TOX3: variants seen among roughly 807,000 people sequenced by gnomAD.
TOX3 encodes the protein CAG trinucleotide repeat-containing gene F9 protein.
TOX3 carries 22 observed loss-of-function variants against 64.3 expected under a neutral mutation model. That is an observed-to-expected ratio of 0.34 (90% confidence interval 0.24 to 0.49). The LOEUF (loss-of-function observed/expected upper bound fraction) is 0.49, where lower values mean the gene tolerates loss of function less well. TOX3 is among the 20% of genes least tolerant of loss of function. The pLI is 0.99. For synonymous variants in TOX3, 291 were observed against 273.6 expected, an observed-to-expected ratio of 1.06 and a Z score of -0.63; for missense variants, 661 against 714.4, an observed-to-expected ratio of 0.93 and a Z score of 0.85.
chr16:52,533,862 T>C (rs1336624562), intron 1 of TOX3, among the ~76,000 whole-genome samples: 1 of 152,196 alleles, frequency 6.6e-6, no homozygotes, highest in African/African-American at 2.4e-5. Flanking sequence ...GGGAGCTGTT[T>C]GCAGAACAAA....
At chr16:52,507,526 G>A (rs1303966940) in intron 1 of TOX3, among the ~76,000 whole-genome samples, 1 of 152,208 alleles carries the variant, frequency 6.6e-6, no homozygotes. Context: ...CTGTGATTAC[G>A]TATAGGAAGG....
intron 1 of TOX3, among the ~76,000 whole-genome samples, chr16:52,528,150 C>T (rs181707195): frequency 1.3e-5 from 2 of 152,266 alleles, no homozygotes; most frequent in Admixed American, 6.5e-5. Context: ...AGTCTATGTT[C>T]AGCAACTTAA....
intron 1 of TOX3, among the ~76,000 whole-genome samples, chr16:52,525,684 C>G (rs1228713977): frequency 6.6e-6 from 1 of 152,106 alleles, no homozygotes; most frequent in Non-Finnish European, 1.5e-5. Flanking sequence ...CAAGTGCGTG[C>G]ATGCCTGCGT....
At chr16:52,500,688 C>T (rs939284211) in intron 1 of TOX3, among the ~76,000 whole-genome samples, 4 of 152,190 alleles carry the variant, frequency 2.6e-5, no homozygotes, top group Non-Finnish European at 2.9e-5. Context: ...ATATTCTAGG[C>T]ATTATGCTAA....
At chr16:52,530,874 A>G (rs189566132) in intron 1 of TOX3, among the ~76,000 whole-genome samples, 14 of 152,224 alleles carry the variant, frequency 9.2e-5, no homozygotes, top group Admixed American at 2.0e-4. Context: ...TCACCCTAAT[A>G]ATCATGCAGC....
Position 52,446,140 on chromosome 16 carries a change from C to T in TOX3, c.760G>A (p.Glu254Lys). Residue 254 changes from glutamate to lysine, a missense_variant, in exon 5 of 7, where the codon GAG becomes AAG. Transcript: ENST00000219746. Reference sequence around the variant, plus strand: ...TATGCTGACACTGGCTTCTGTGGCTCATTGGGATCTTTCTTTTTCTTTTTC... The same window carrying T: ...TATGCTGACACTGGCTTCTGTGGCTTATTGGGATCTTTCTTTTTCTTTTTC... ...PKKKKKKDPN[E>K]PQKPVSAYAL... is the part of the protein sequence containing the mutation. 6.2e-7 allele frequency: 1 copy of T among 1,613,986 alleles called. No homozygotes were observed. Among genetic ancestry groups the T allele is most frequent in the Non-Finnish European group, 8.5e-7 (1 of 1,179,854 alleles).
rs36085800 is a variant in TOX3, at chr16:52,474,459, T to TA, written c.88-5886dup. ...CAACATAGTGAGACCCCATCTCTACTAAAAAAAAAATTATAGGCATGTTGG... is the reference window on the plus strand; with the variant it reads ...CAACATAGTGAGACCCCATCTCTACTAAAAAAAAAAATTATAGGCATGTTGG... On this transcript the variant is annotated intron_variant, in intron 1 of 6. Transcript: ENST00000219746. Among the ~76,000 whole-genome samples, 50 of 148,534 alleles carry TA rather than the reference T, an allele frequency of 3.4e-4. No homozygotes were observed. In the East Asian group the frequency reaches 7.9e-3, roughly 23 times the overall value.
chr16:52,462,530 A>T (rs1960723279), intron 3 of TOX3, among the ~76,000 whole-genome samples: 1 of 152,128 alleles, frequency 6.6e-6, no homozygotes, highest in Non-Finnish European at 1.5e-5. Flanking sequence ...TTACCAATTT[A>T]AGAAAGTACA....
chr16:52,542,882 T>C (rs986488738), intron 1 of TOX3, among the ~76,000 whole-genome samples: 23 of 152,308 alleles, frequency 1.5e-4, no homozygotes, highest in African/African-American at 5.3e-4. Flanking sequence ...CCCTTCAAGC[T>C]AGCCAAGGCA....
At chr16:52,513,999 T>C (rs544081484) in intron 1 of TOX3, among the ~76,000 whole-genome samples, 1 of 152,222 alleles carries the variant, frequency 6.6e-6, no homozygotes, top group South Asian at 2.1e-4. Context: ...AGTTAAACTC[T>C]AAATATTTGT....
At chr16:52,504,358 T>A (rs1227105759) in intron 1 of TOX3, among the ~76,000 whole-genome samples, 1 of 150,386 alleles carries the variant, frequency 6.6e-6, no homozygotes, top group Admixed American at 6.7e-5. Flanking sequence ...TTCCAGCTAC[T>A]CAGGAGGCTG....
intron 3 of TOX3, among the ~76,000 whole-genome samples, chr16:52,462,094 T>A (rs1302175531): frequency 6.6e-6 from 1 of 152,116 alleles, no homozygotes; most frequent in Admixed American, 6.5e-5. Context: ...CCAAAATAAA[T>A]ATCACTCAGG....
chr16:52,521,841 C>T (rs772156490), intron 1 of TOX3, among the ~76,000 whole-genome samples: 10 of 152,170 alleles, frequency 6.6e-5, no homozygotes, highest in Non-Finnish European at 1.3e-4. Flanking sequence ...TGGATTCTAA[C>T]AAGGCGTTCA....
intron 3 of TOX3, among the ~76,000 whole-genome samples, chr16:52,457,586 C>G (rs1960557544): frequency 6.6e-6 from 1 of 152,150 alleles, no homozygotes; most frequent in African/African-American, 2.4e-5. Flanking sequence ...ATAAAAATTA[C>G]TTTGTATTCA....
Position 52,439,136 on chromosome 16 carries a change from A to G in TOX3, c.*89T>C. 1 of 1,578,156 alleles carries G rather than the reference A, an allele frequency of 6.3e-7. No individual in the cohort carries two copies. Among genetic ancestry groups the G allele is most frequent in the Non-Finnish European group, 8.6e-7 (1 of 1,159,818 alleles). ...ATCTGTTACACATTTCTGCATAACC[A>G]ACACCAACTTACAGGTTTCAGCCAC... is the stretch of plus-strand genomic sequence containing the variant. On this transcript the variant is annotated 3_prime_UTR_variant, in exon 7 of 7. Coordinates refer to ENST00000219746, the MANE Select transcript of TOX3 (RefSeq NM_001080430.4).
At chr16:52,540,945 GCCA>G (rs1360004705) in intron 1 of TOX3, among the ~76,000 whole-genome samples, 4 of 152,154 alleles carry the variant, frequency 2.6e-5, no homozygotes, top group African/African-American at 9.7e-5. Flanking sequence ...TATGGTTTAT[GCCA>G]CCATTTGTTG....
At chr16:52,442,862 C>G (rs1003554305) in intron 6 of TOX3, among the ~76,000 whole-genome samples, 1 of 151,740 alleles carries the variant, frequency 6.6e-6, no homozygotes, top group African/African-American at 2.4e-5. Flanking sequence ...TTTTTTTTCT[C>G]TTTTTTGGTG....
chr16:52,437,875 C>T lies in TOX3; in HGVS notation c.*1350G>A, dbSNP rs1176758097. On this transcript the variant is annotated 3_prime_UTR_variant, in exon 7 of 7. Transcript: ENST00000219746. ...TTTTTTCAAGGATCTTCATTTCAGG[C>T]TATGCAATGCATATTCTTGGCCATA... 3 of 150,266 alleles carry T rather than the reference C, an allele frequency of 2.0e-5. No homozygotes were observed. Among genetic ancestry groups the T allele is most frequent in the South Asian group, 4.2e-4 (2 of 4,722 alleles). 9.3% of individuals were successfully genotyped at this position (150,266 alleles called of 1,614,324 possible). A position where few individuals can be genotyped will look rare whatever the true frequency, so the allele number is the denominator to read the frequency against.
chr16:52,517,583 G>T (rs188951266), intron 1 of TOX3, among the ~76,000 whole-genome samples: 17 of 152,148 alleles, frequency 1.1e-4, no homozygotes, highest in Admixed American at 1.0e-3. Flanking sequence ...AAATATCAGA[G>T]TCATGAGAGC....
Sources: gnomAD v4.1 joint callset for allele counts (sites outside exome capture counted in the v4.1 genomes callset) on GRCh38, gnomAD v4.1.1 for gene constraint, MANE v1.5 for transcripts, NCBI Gene and HGNC (gene_info 2026-07-23, HGNC 2026-07-21) for gene names.